Variants in HMGN5 observed in about 807,000 individuals in gnomAD.
The protein encoded by HMGN5 is high mobility group nucleosome binding domain 5, also known as high mobility group nucleosome-binding domain-containing protein 5.
Under a neutral mutation model 9.5 loss-of-function variants are expected in HMGN5, and 4 were observed. The ratio of observed to expected loss-of-function variants is 0.42; its 90% confidence interval spans 0.21 to 0.96. HMGN5 has a LOEUF of 0.96. HMGN5 is among the 40% of genes least tolerant of loss of function. HMGN5 has a pLI of 0.30. For missense variants in HMGN5, 192 were observed against 187.5 expected (o/e 1.02, Z -0.14); for synonymous variants, 55 against 57.1 (o/e 0.96, Z 0.16).
chrX:81,160,846 T>C (rs958391503), intron 1 of HMGN5, among the ~76,000 whole-genome samples: 3 of 111,672 alleles, frequency 2.7e-5, no homozygotes, highest in African/African-American at 9.8e-5. Context: ...TGAGTGGACA[T>C]CTTCAACCAA....
chrX:81,187,225 T>C (rs925855299), intron 1 of HMGN5, among the ~76,000 whole-genome samples: 3 of 111,746 alleles, frequency 2.7e-5, no homozygotes, highest in African/African-American at 9.7e-5. Context: ...TGGTCTATAG[T>C]GGAGATTATT....
chrX:81,126,147 C>CAAA (rs776769640), intron 1 of HMGN5, among the ~76,000 whole-genome samples: 8 of 47,735 alleles, frequency 1.7e-4, no homozygotes, highest in African/African-American at 4.6e-4. Flanking sequence ...GACGCAGTCT[C>CAAA]AAAAAAAAAA....
intron 1 of HMGN5, among the ~76,000 whole-genome samples, chrX:81,153,383 A>G (rs2075370635): frequency 9.9e-6 from 1 of 101,142 alleles, no homozygotes; most frequent in African/African-American, 3.6e-5. Context: ...TGAAACCCTA[A>G]TCTCGAATAA....
intron 1 of HMGN5, among the ~76,000 whole-genome samples, chrX:81,157,582 T>G (rs1194005349): frequency 9.0e-6 from 1 of 111,356 alleles, no homozygotes; most frequent in Non-Finnish European, 1.9e-5. Flanking sequence ...TGGCGTCTCC[T>G]CATAAACAAG....
At chrX:81,197,339 T>C (rs1052640888) in intron 1 of HMGN5, among the ~76,000 whole-genome samples, 5 of 112,003 alleles carry the variant, frequency 4.5e-5, no homozygotes, top group African/African-American at 1.6e-4. Flanking sequence ...GAAGTTGACA[T>C]GATAATGTTT....
intron 1 of HMGN5, among the ~76,000 whole-genome samples, chrX:81,136,384 G>A (rs1224011257): frequency 1.8e-5 from 2 of 111,345 alleles, no homozygotes; most frequent in Admixed American, 1.9e-4. Context: ...GATGTTAAAG[G>A]CAATAGTATT....
At chrX:81,176,669 T>C (rs1309016663) in intron 1 of HMGN5, among the ~76,000 whole-genome samples, 1 of 111,301 alleles carries the variant, frequency 9.0e-6, no homozygotes, top group African/African-American at 3.3e-5. Flanking sequence ...ATTTGAAAAG[T>C]GGAAGAAAGG....
chrX:81,149,109 C>T (rs2075353746), intron 1 of HMGN5, among the ~76,000 whole-genome samples: 1 of 111,225 alleles, frequency 9.0e-6, no homozygotes, highest in South Asian at 3.8e-4. Flanking sequence ...ACCATTTGAC[C>T]CAGCAATCTC....
chrX:81,169,341 G>A (rs1239824443), intron 1 of HMGN5, among the ~76,000 whole-genome samples: 1 of 111,282 alleles, frequency 9.0e-6, no homozygotes, highest in Non-Finnish European at 1.9e-5. Context: ...TGAAGATATA[G>A]ACTGTAACAT....
At chrX:81,137,639 A>G (rs994554113) in intron 1 of HMGN5, among the ~76,000 whole-genome samples, 1 of 111,585 alleles carries the variant, frequency 9.0e-6, no homozygotes, top group African/African-American at 3.3e-5. Flanking sequence ...ACTTTCAACA[A>G]GCTAGAAAAA....
At chrX:81,167,704 A>G (rs764236677) in intron 1 of HMGN5, among the ~76,000 whole-genome samples, 10 of 112,430 alleles carry the variant, frequency 8.9e-5, no homozygotes, top group Admixed American at 2.8e-4. Flanking sequence ...TAAAAATAGT[A>G]AGCCAGGAAT....
At chrX:81,125,597 G>T (rs2075281085) in intron 1 of HMGN5, among the ~76,000 whole-genome samples, 1 of 111,927 alleles carries the variant, frequency 8.9e-6, no homozygotes, top group Non-Finnish European at 1.9e-5. Flanking sequence ...ATGACAGATA[G>T]ATTATTTTTC....
intron 1 of HMGN5, among the ~76,000 whole-genome samples, chrX:81,177,875 C>G (rs2075448068): frequency 8.9e-6 from 1 of 112,075 alleles, no homozygotes; most frequent in African/African-American, 3.2e-5. Context: ...TCTCAGACCA[C>G]AGTGCAAGCA....
chrX:81,196,240 C>A (rs189348578), intron 1 of HMGN5, among the ~76,000 whole-genome samples: 185 of 110,955 alleles, frequency 1.7e-3, no homozygotes, highest in African/African-American at 5.9e-3. Context: ...GGTCTCCCAT[C>A]TGCCAGAGGA....
intron 1 of HMGN5, among the ~76,000 whole-genome samples, chrX:81,167,362 C>CCATGACA (rs1482100708): frequency 4.5e-5 from 5 of 110,016 alleles, no homozygotes; most frequent in African/African-American, 1.7e-4. Context: ...GGTGACTCTT[C>CCATGACA]CATGACAGTG....
At chrX:81,143,297 A>G (rs1179244920) in intron 1 of HMGN5, among the ~76,000 whole-genome samples, 2 of 111,806 alleles carry the variant, frequency 1.8e-5, no homozygotes, top group Admixed American at 9.5e-5. Context: ...AATAACACTG[A>G]ATATCAATGG....
rs1346557662 is a variant in HMGN5 at position 81,117,158 on chromosome X, T to C, written c.130-817A>G. On this transcript the variant is annotated intron_variant, in intron 5 of 6. Transcript: ENST00000358130. ...TTGTAATTTAGATATAAGTTATTACTCTTTTAACACATGAGAAACAGAGCC... is the reference window on the plus strand; with the variant it reads ...TTGTAATTTAGATATAAGTTATTACCCTTTTAACACATGAGAAACAGAGCC... Among the ~76,000 whole-genome samples, 5 of 111,552 alleles carry C rather than the reference T, an allele frequency of 4.5e-5. No homozygotes were observed. The East Asian group carries it at 1.4e-3, about 31-fold the overall frequency.
chrX:81,188,703 G>T (rs180988374), intron 1 of HMGN5, among the ~76,000 whole-genome samples: 2 of 107,150 alleles, frequency 1.9e-5, no homozygotes, highest in Non-Finnish European at 3.8e-5. Context: ...TTCAATTCCC[G>T]CCTATGAGTG....
intron 1 of HMGN5, among the ~76,000 whole-genome samples, chrX:81,162,911 C>T (rs1294300536): frequency 3.6e-5 from 4 of 111,399 alleles, no homozygotes; most frequent in African/African-American, 9.8e-5. Context: ...AAGATGACTA[C>T]ACTGTATATC....
Sources: allele counts gnomAD v4.1 joint callset (sites outside exome capture counted in the v4.1 genomes callset), GRCh38; gene constraint gnomAD v4.1.1; transcripts MANE v1.5; gene names NCBI Gene and HGNC (gene_info 2026-07-23, HGNC 2026-07-21).